The following FBXL17 variants were observed in gnomAD, a reference collection of about 807,000 sequenced individuals.
FBXL17 encodes the protein F-box and leucine rich repeat protein 17, also known as F-box/LRR-repeat protein 17.
In FBXL17, 22 loss-of-function variants were observed where a neutral mutation model predicts 66.2. The observed-to-expected ratio is 0.33, with a 90% CI of 0.24 to 0.47. The LOEUF (loss-of-function observed/expected upper bound fraction) is 0.47, where lower values mean the gene tolerates loss of function less well. Among genes scored for constraint, FBXL17 ranks in the 20% least tolerant of loss-of-function variants. FBXL17 has a pLI of 1.00. For synonymous variants in FBXL17, 474 were observed against 400.5 expected (o/e 1.18, Z -2.19); for missense variants, 878 against 948.2 (o/e 0.93, Z 0.97).
At chr5:108,371,722 T>C (rs774803617) in intron 1 of FBXL17, among the ~76,000 whole-genome samples, 1 of 152,074 alleles carries the variant, frequency 6.6e-6, no homozygotes, top group African/African-American at 2.4e-5. Flanking sequence ...TAATAAAAAG[T>C]AGAAATTATG....
intron 6 of FBXL17, among the ~76,000 whole-genome samples, chr5:108,151,876 GATAT>G (rs1751785512): frequency 1.3e-5 from 2 of 152,134 alleles, no homozygotes; most frequent in Non-Finnish European, 2.9e-5. Flanking sequence ...TAAGAACTTT[GATAT>G]CAAAGGCAAC....
intron 7 of FBXL17, among the ~76,000 whole-genome samples, chr5:107,932,241 A>T (rs1234992542): frequency 6.6e-6 from 1 of 152,208 alleles, no homozygotes; most frequent in Admixed American, 6.5e-5. Context: ...ACGTGAATAG[A>T]AAGTTTATTT....
intron 6 of FBXL17, among the ~76,000 whole-genome samples, chr5:108,024,837 T>C (rs1489261450): frequency 1.3e-5 from 2 of 152,192 alleles, no homozygotes; most frequent in Non-Finnish European, 2.9e-5. Flanking sequence ...TTTGGTAAGC[T>C]AGATAGGATT....
At chr5:107,937,503 C>T (rs1052201327) in intron 7 of FBXL17, among the ~76,000 whole-genome samples, 3 of 152,262 alleles carry the variant, frequency 2.0e-5, no homozygotes, top group South Asian at 2.1e-4. Flanking sequence ...GCCATGATTA[C>T]GGATCTTACT....
Position 108,324,031 on chromosome 5 carries a change from T to G in FBXL17, c.1506+24368A>C, listed in dbSNP as rs2966792. On this transcript the variant is annotated intron_variant, in intron 4 of 8. Transcript: ENST00000542267. ...AGCTTTACAACGTTGAATTTGGCAATATTTCTAAGTTTTGACACCAAAAGC... is the reference window on the plus strand; with the variant it reads ...AGCTTTACAACGTTGAATTTGGCAAGATTTCTAAGTTTTGACACCAAAAGC... Among the ~76,000 whole-genome samples the G allele has an allele frequency of 8.0e-4, 121 of 152,150 alleles. 1 individual carries two copies. In the East Asian group the frequency reaches 0.022, roughly 28 times the overall value.
At position 108,381,577 on chromosome 5, in the gene FBXL17, C is replaced by G. The variant is rs554669040; in HGVS notation, c.115G>C (p.Ala39Pro). 3 of 1,449,302 alleles carry G rather than the reference C, an allele frequency of 2.1e-6. No individual in the cohort carries two copies. The highest frequency in any genetic ancestry group is 2.7e-6 in the Non-Finnish European group (3 of 1,108,586). The allele number at this position is 1,449,302 out of a possible 1,614,324, so 89.8% of individuals were successfully genotyped here. The change falls in exon 1 of 9, where the codon GCC (alanine) becomes CCC (proline). Residue 39 changes from alanine to proline, a missense_variant. This residue lies in a region of FBXL17 where 605 missense variants were observed against 509.5 expected (regional missense o/e 1.19). Coordinates refer to ENST00000542267, the MANE Select transcript of FBXL17 (RefSeq NM_001163315.3). ...PLLRLPRRTP[A>P]KVPPQPAAPR... is the part of the protein sequence containing the mutation. Reference sequence around the variant, plus strand: ...GCCGCCGGCTGAGGGGGCACCTTGGCTGGGGTCCGGCGGGGCAGCCTGAGG... The same window carrying G: ...GCCGCCGGCTGAGGGGGCACCTTGGGTGGGGTCCGGCGGGGCAGCCTGAGG...
intron 7 of FBXL17, among the ~76,000 whole-genome samples, chr5:107,905,751 C>T (rs1173730179): frequency 1.3e-5 from 2 of 152,148 alleles, no homozygotes; most frequent in African/African-American, 2.4e-5. Flanking sequence ...AGACTTTGTC[C>T]ATCTGGAATT....
chr5:108,243,148 T>C (rs1262200411), intron 4 of FBXL17, among the ~76,000 whole-genome samples: 1 of 152,194 alleles, frequency 6.6e-6, no homozygotes, highest in Non-Finnish European at 1.5e-5. Flanking sequence ...TGATAAGTTA[T>C]GTGTTAAAGT....
At chr5:107,959,458 ATATGT>A (rs556187937) in intron 7 of FBXL17, among the ~76,000 whole-genome samples, 10 of 151,456 alleles carry the variant, frequency 6.6e-5, no homozygotes, top group African/African-American at 1.5e-4. Flanking sequence ...ATTTCTGTAC[ATATGT>A]TGTGTTGTGC....
chr5:108,048,248 C>T (rs1035817208), intron 6 of FBXL17, among the ~76,000 whole-genome samples: 5 of 152,146 alleles, frequency 3.3e-5, no homozygotes, highest in African/African-American at 1.2e-4. Context: ...AAACAGAAAG[C>T]AACAACAACA....
intron 6 of FBXL17, among the ~76,000 whole-genome samples, chr5:108,129,656 G>A (rs915419306): frequency 2.0e-5 from 3 of 151,948 alleles, no homozygotes; most frequent in Non-Finnish European, 4.4e-5. Context: ...GTAAAAATAT[G>A]TCATGGTAGT....
chr5:108,076,112 T>C (rs749354340), intron 6 of FBXL17, among the ~76,000 whole-genome samples: 1 of 152,252 alleles, frequency 6.6e-6, no homozygotes, highest in Non-Finnish European at 1.5e-5. Flanking sequence ...GTTTATACTA[T>C]CTCTGCTAGA....
intron 6 of FBXL17, among the ~76,000 whole-genome samples, chr5:108,023,725 T>C (rs920154670): frequency 6.6e-6 from 1 of 152,184 alleles, no homozygotes; most frequent in Non-Finnish European, 1.5e-5. Flanking sequence ...CTTTGGTGTA[T>C]TAAAATCAGA....
chr5:108,072,640 G>A (rs1031666775), intron 6 of FBXL17, among the ~76,000 whole-genome samples: 6 of 152,126 alleles, frequency 3.9e-5, no homozygotes, highest in East Asian at 1.9e-4. Context: ...CCCGGGAGGC[G>A]GAGCTTACAG....
intron 6 of FBXL17, among the ~76,000 whole-genome samples, chr5:108,135,571 T>C (rs975387434): frequency 2.0e-5 from 3 of 152,160 alleles, no homozygotes; most frequent in Admixed American, 1.3e-4. Flanking sequence ...TGCTTCATAA[T>C]TCCTTACACT....
chr5:108,263,984 G>A (rs1188049761), intron 4 of FBXL17, among the ~76,000 whole-genome samples: 1 of 152,082 alleles, frequency 6.6e-6, no homozygotes, highest in African/African-American at 2.4e-5. Flanking sequence ...GGGAGGCCGA[G>A]GCGGGTAGAT....
At chr5:108,144,264 A>G (rs1751472902) in intron 6 of FBXL17, among the ~76,000 whole-genome samples, 2 of 152,166 alleles carry the variant, frequency 1.3e-5, no homozygotes, top group Admixed American at 1.3e-4. Flanking sequence ...AGGGAAAGTG[A>G]TTCTTAAAAG....
chr5:108,362,422 T>G (rs1426863573), intron 3 of FBXL17, among the ~76,000 whole-genome samples: 1 of 152,130 alleles, frequency 6.6e-6, no homozygotes, highest in Non-Finnish European at 1.5e-5. Flanking sequence ...TACTGGCAAG[T>G]GCTAGATGAT....
chr5:108,325,559 T>G (rs1759810116), intron 4 of FBXL17, among the ~76,000 whole-genome samples: 1 of 151,686 alleles, frequency 6.6e-6, no homozygotes, highest in South Asian at 2.1e-4. Context: ...CTGTGAAAAA[T>G]AAGAAGAAAG....
Sources: gnomAD v4.1 joint callset for allele counts (sites outside exome capture counted in the v4.1 genomes callset) on GRCh38, gnomAD v4.1.1 for gene constraint, gnomAD v4.1.1 regional missense constraint, MANE v1.5 for transcripts, NCBI Gene and HGNC (gene_info 2026-07-23, HGNC 2026-07-21) for gene names.